The following SPAG16 variants were observed in gnomAD, a reference collection of about 807,000 sequenced individuals.
The protein encoded by SPAG16 is sperm associated antigen 16, also known as sperm-associated antigen 16 protein.
SPAG16 carries 86 observed loss-of-function variants against 80.4 expected under a neutral mutation model. The ratio of observed to expected loss-of-function variants is 1.07; its 90% CI spans 0.90 to 1.28. The LOEUF (loss-of-function observed/expected upper bound fraction) is 1.28. Among genes scored for constraint, SPAG16 ranks in the 50% most tolerant of loss-of-function variants. SPAG16 has a pLI of 0.00. For synonymous variants in SPAG16, 294 were observed against 265.9 expected (o/e 1.11, Z -1.03); for missense variants, 870 against 765.3 (o/e 1.14, Z -1.61).
chr2:213,849,813 G>C (rs1247935770), intron 10 of SPAG16, among the ~76,000 whole-genome samples: 1 of 152,134 alleles, frequency 6.6e-6, no homozygotes, highest in Non-Finnish European at 1.5e-5. Context: ...ATATGAAATG[G>C]AACATTTTAC....
chr2:213,927,708 G>A (rs1450963283), intron 11 of SPAG16, among the ~76,000 whole-genome samples: 1 of 151,438 alleles, frequency 6.6e-6, no homozygotes, highest in Non-Finnish European at 1.5e-5. Context: ...AGTGTGATTT[G>A]TTTTTTTTGC....
At chr2:213,802,937 T>C (rs2071510778) in intron 10 of SPAG16, among the ~76,000 whole-genome samples, 1 of 152,072 alleles carries the variant, frequency 6.6e-6, no homozygotes, top group South Asian at 2.1e-4. Flanking sequence ...ATAAAAATTA[T>C]TCTGGGCAGC....
intron 15 of SPAG16, among the ~76,000 whole-genome samples, chr2:214,369,304 G>T (rs142278699): frequency 1.6e-4 from 25 of 152,142 alleles, no homozygotes; most frequent in African/African-American, 6.0e-4. Context: ...AAGAAGTTTG[G>T]TCTAACATGG....
At chr2:214,228,598 G>A (rs1688459731) in intron 15 of SPAG16, among the ~76,000 whole-genome samples, 1 of 151,678 alleles carries the variant, frequency 6.6e-6, no homozygotes. Context: ...TGCAGTACCT[G>A]GAAATTTGTG....
chr2:213,380,680 G>A (rs1341356261), intron 9 of SPAG16, among the ~76,000 whole-genome samples: 1 of 152,206 alleles, frequency 6.6e-6, no homozygotes, highest in Non-Finnish European at 1.5e-5. Context: ...GCCAAGAGCT[G>A]TCTCTCAAAA....
chr2:213,331,873 A>G (rs1444345690), intron 5 of SPAG16, among the ~76,000 whole-genome samples: 2 of 152,206 alleles, frequency 1.3e-5, no homozygotes, highest in Non-Finnish European at 2.9e-5. Context: ...TATGGGATAC[A>G]GTGAAAGCAG....
chr2:214,410,310 T>C lies in SPAG16; in HGVS notation c.1891T>C (p.Ser631Pro), dbSNP rs763046937. 1 of 1,592,862 alleles carries C rather than the reference T, an allele frequency of 6.3e-7. No individual in the cohort carries two copies. The highest frequency in any genetic ancestry group is 8.6e-7 in the Non-Finnish European group (1 of 1,162,584). Residue 631 changes from serine to proline, a missense_variant, in exon 16 of 16, where the codon TCT becomes CCT. Transcript: ENST00000331683. Reference protein sequence around the residue: ...GGSDGTVRTWS With the variant: ...GGSDGTVRTWP ...CTCTGACGGCACAGTTCGAACGTGG[T>C]CTTGACCGTCAGCACATCCCGCTGC...
chr2:213,770,770 C>T (rs1417015229), intron 10 of SPAG16, among the ~76,000 whole-genome samples: 1 of 152,144 alleles, frequency 6.6e-6, no homozygotes, highest in African/African-American at 2.4e-5. Context: ...AAGCTCCATC[C>T]ATGTCCCTGC....
Position 213,629,347 on chromosome 2 carries a change from C to T in SPAG16, c.1070+139257C>T, listed in dbSNP as rs2062064158. On this transcript the variant is annotated intron_variant, in intron 10 of 15. Coordinates refer to ENST00000331683, the MANE Select transcript of SPAG16 (RefSeq NM_024532.5). The stretch of plus-strand genomic sequence containing the variant: ...TACCAACCCACAGTTCTAGCTGAAG[C>T]ACCTAGCCAACTAACTAGCAACATT... 3.9e-5 allele frequency among the ~76,000 whole-genome samples: 6 copies of T among 152,146 alleles called. 1 individual carries two copies. The South Asian group carries it at 1.2e-3, about 32-fold the overall frequency.
intron 10 of SPAG16, among the ~76,000 whole-genome samples, chr2:213,765,719 G>A (rs1353430157): frequency 2.0e-5 from 3 of 152,038 alleles, no homozygotes; most frequent in Non-Finnish European, 2.9e-5. Flanking sequence ...GACATTTATA[G>A]GAATCACATT....
At chr2:214,197,492 A>G (rs567126796) in intron 15 of SPAG16, among the ~76,000 whole-genome samples, 1 of 152,010 alleles carries the variant, frequency 6.6e-6, no homozygotes, top group Non-Finnish European at 1.5e-5. Context: ...TGAATGGACC[A>G]TACATACTGT....
chr2:214,179,712 T>C (rs536915143), intron 15 of SPAG16, among the ~76,000 whole-genome samples: 7 of 151,626 alleles, frequency 4.6e-5, no homozygotes, highest in African/African-American at 1.7e-4. Context: ...GGAGGCTTTC[T>C]TGTGGACAAT....
At chr2:213,540,681 T>C (rs1048866247) in intron 10 of SPAG16, among the ~76,000 whole-genome samples, 3 of 152,238 alleles carry the variant, frequency 2.0e-5, no homozygotes, top group African/African-American at 7.2e-5. Context: ...GAATGTTTCA[T>C]TTGTAGTTCT....
chr2:213,483,497 T>A (rs1171569093), intron 9 of SPAG16, among the ~76,000 whole-genome samples: 2 of 152,228 alleles, frequency 1.3e-5, no homozygotes. Context: ...ATAAATCTTT[T>A]AACTGTTTGC....
chr2:213,655,844 T>C (rs1032099829), intron 10 of SPAG16, among the ~76,000 whole-genome samples: 1 of 152,258 alleles, frequency 6.6e-6, no homozygotes, highest in East Asian at 1.9e-4. Context: ...GCATTGCAGC[T>C]AAGTTCCAAT....
chr2:214,339,017 T>G (rs1472313434), intron 15 of SPAG16, among the ~76,000 whole-genome samples: 1 of 152,240 alleles, frequency 6.6e-6, no homozygotes, highest in Non-Finnish European at 1.5e-5. Context: ...AGAAAGCATT[T>G]TTGATATTTC....
intron 11 of SPAG16, among the ~76,000 whole-genome samples, chr2:213,922,526 T>C (rs1277185354): frequency 6.6e-6 from 1 of 152,232 alleles, no homozygotes; most frequent in African/African-American, 2.4e-5. Context: ...TCTATTTCTC[T>C]CATTTCAGAT....
At chr2:213,300,095 A>T (rs2062673220) in intron 3 of SPAG16, among the ~76,000 whole-genome samples, 2 of 152,184 alleles carry the variant, frequency 1.3e-5, no homozygotes, top group South Asian at 4.1e-4. Context: ...GTACAATCTC[A>T]GAGGTCTTTT....
intron 9 of SPAG16, among the ~76,000 whole-genome samples, chr2:213,488,605 G>C (rs1162807891): frequency 6.6e-6 from 1 of 151,960 alleles, no homozygotes; most frequent in Admixed American, 6.6e-5. Flanking sequence ...AGACAATAGA[G>C]CGTGCTTCCA....
Sources: gnomAD v4.1 joint callset for allele counts (sites outside exome capture counted in the v4.1 genomes callset) on GRCh38, gnomAD v4.1.1 for gene constraint, MANE v1.5 for transcripts, NCBI Gene and HGNC (gene_info 2026-07-23, HGNC 2026-07-21) for gene names.